Variants in SEC23A observed in about 807,000 individuals in gnomAD.
SEC23A encodes the protein protein transport protein Sec23A.
A neutral mutation model predicts 103.7 loss-of-function variants in SEC23A; 56 were observed. The ratio of observed to expected loss-of-function variants is 0.54; its 90% CI spans 0.44 to 0.67. The LOEUF (loss-of-function observed/expected upper bound fraction) is 0.67, where lower values mean the gene tolerates loss of function less well. Ranked by LOEUF, SEC23A falls within the 30% of genes least tolerant of loss-of-function variation. SEC23A has a pLI of 0.00. For synonymous variants in SEC23A, 281 were observed against 293.0 expected, an observed-to-expected ratio of 0.96 and a Z score of 0.42; for missense variants, 784 against 936.4, an observed-to-expected ratio of 0.84 and a Z score of 2.12.
In SEC23A at chr14:39,093,173, G is replaced by A. The variant is rs1287252000; in HGVS notation, c.279+14C>T. On this transcript the variant is annotated intron_variant, in intron 3 of 19. Transcript: ENST00000307712. ...TGAGCCACTGCGCCCGGCATGCAAT[G>A]GATGTTTTCTTACCTGATTCCTTTG... 6.2e-6 allele frequency: 10 copies of A among 1,611,232 alleles called. No individual in the cohort carries two copies. The highest frequency in any genetic ancestry group is 1.3e-5 in the African/African-American group (1 of 74,928).
At chr14:39,070,964 T>C (rs1886822545) in intron 9 of SEC23A, among the ~76,000 whole-genome samples, 1 of 151,700 alleles carries the variant, frequency 6.6e-6, no homozygotes, top group Non-Finnish European at 1.5e-5. Flanking sequence ...GGGGCGGAGG[T>C]TGCAGTGAGC....
At chr14:39,042,323 C>T (rs1056242825) in intron 17 of SEC23A, among the ~76,000 whole-genome samples, 1 of 152,230 alleles carries the variant, frequency 6.6e-6, no homozygotes, top group African/African-American at 2.4e-5. Flanking sequence ...ATCTTCTGCT[C>T]TCTGTAATCA....
intron 17 of SEC23A, among the ~76,000 whole-genome samples, chr14:39,041,921 G>A (rs1885661492): frequency 6.6e-6 from 1 of 150,678 alleles, no homozygotes; most frequent in South Asian, 2.1e-4. Context: ...AATATTTTGA[G>A]TAATGTCTTT....
At chr14:39,102,512 A>C (rs895762158) in intron 1 of SEC23A, among the ~76,000 whole-genome samples, 2 of 152,224 alleles carry the variant, frequency 1.3e-5, no homozygotes, top group African/African-American at 2.4e-5. Flanking sequence ...CCGTAGAAAG[A>C]AAGCCCAGTG....
At chr14:39,051,048 T>C (rs750599472) in intron 14 of SEC23A, among the ~76,000 whole-genome samples, 1 of 152,192 alleles carries the variant, frequency 6.6e-6, no homozygotes, top group Admixed American at 6.5e-5. Flanking sequence ...GCAACACAAA[T>C]AGAGAAAAAG....
At chr14:39,049,281 G>T (rs962128731) in intron 14 of SEC23A, among the ~76,000 whole-genome samples, 6 of 151,934 alleles carry the variant, frequency 3.9e-5, no homozygotes, top group Admixed American at 6.6e-5. Context: ...TTCGAGACCA[G>T]CCTGGCCAAC....
rs573160536 is a variant in SEC23A at position 39,085,689 on chromosome 14, T to TATATACAC, written c.828+72_828+73insGTGTATAT. 1.6e-4 allele frequency: 196 copies of TATATACAC among 1,196,368 alleles called. No individual in the cohort carries two copies. In the East Asian group the frequency reaches 1.9e-3, roughly 12 times the overall value. 74.1% of individuals were successfully genotyped at this position (1,196,368 alleles called of 1,614,324 possible). Reference sequence around the variant, plus strand: ...TTCTTCTTATCCTTATAATTATATATACACACACACACACACACACACACA... The same window carrying TATATACAC: ...TTCTTCTTATCCTTATAATTATATATATATACACACACACACACACACACACACACACA... On this transcript the variant is annotated intron_variant, in intron 7 of 19. Transcript: ENST00000307712.
chr14:39,089,744 G>T (rs1037307523), intron 5 of SEC23A, among the ~76,000 whole-genome samples: 1 of 152,194 alleles, frequency 6.6e-6, no homozygotes, highest in South Asian at 2.1e-4. Flanking sequence ...ATATCCTGAG[G>T]TCAGGAGTTC....
chr14:39,057,657 C>G (rs73285780), intron 13 of SEC23A, among the ~76,000 whole-genome samples: 10,185 of 152,206 alleles, frequency 0.067, 1,138 homozygotes, highest in African/African-American at 0.23. Flanking sequence ...CATGAGCCAC[C>G]GCACTTGGCC....
chr14:39,093,387 G>C (rs1199183606), intron 2 of SEC23A, 143 bp from the exon 3 acceptor site: 1 of 629,872 alleles, frequency 1.6e-6, no homozygotes, highest in Non-Finnish European at 2.7e-6. Flanking sequence ...AAGCCATGTA[G>C]TTTTAGATAC....
intron 9 of SEC23A, among the ~76,000 whole-genome samples, chr14:39,067,800 A>C (rs1886723301): frequency 6.6e-6 from 1 of 151,106 alleles, no homozygotes; most frequent in South Asian, 2.1e-4. Context: ...CCTCCCAAGT[A>C]GCTGGACTAC....
At chr14:39,049,293 T>C (rs770221346) in intron 14 of SEC23A, among the ~76,000 whole-genome samples, 2 of 151,556 alleles carry the variant, frequency 1.3e-5, no homozygotes, top group African/African-American at 4.9e-5. Flanking sequence ...CTGGCCAACA[T>C]GGTGAAACCG....
At chr14:39,073,605 T>TG (rs1335383080) in intron 9 of SEC23A, among the ~76,000 whole-genome samples, 2 of 131,912 alleles carry the variant, frequency 1.5e-5, no homozygotes, top group African/African-American at 5.7e-5. Context: ...TGATTCCTCT[T>TG]TTTTTTTTTT....
intron 9 of SEC23A, among the ~76,000 whole-genome samples, chr14:39,071,437 T>C (rs185357382): frequency 2.6e-5 from 4 of 152,168 alleles, no homozygotes; most frequent in African/African-American, 4.8e-5. Flanking sequence ...GTAATCCAGA[T>C]ACCTGGAAGG....
intron 7 of SEC23A, among the ~76,000 whole-genome samples, chr14:39,077,186 C>T (rs954639381): frequency 4.3e-5 from 6 of 139,878 alleles, no homozygotes; most frequent in East Asian, 4.1e-4. Context: ...CAAGATTGTA[C>T]CACTGCACCT....
At chr14:39,087,540 T>A (rs910898994) in intron 5 of SEC23A, 1 of 153,280 alleles carries the variant, frequency 6.5e-6, no homozygotes, top group African/African-American at 2.4e-5. Flanking sequence ...CCTATATACA[T>A]CTTGATTTTC....
intron 9 of SEC23A, among the ~76,000 whole-genome samples, chr14:39,067,823 C>T (rs998174661): frequency 6.6e-6 from 1 of 152,014 alleles, no homozygotes; most frequent in Non-Finnish European, 1.5e-5. Context: ...GTTGCACCAA[C>T]ACGCCCAGCT....
At position 39,080,562 on chromosome 14, in the gene SEC23A, C is replaced by T. The variant is rs184064144; in HGVS notation, c.829-4469G>A. Among the ~76,000 whole-genome samples, 267 of 152,160 alleles carry T rather than the reference C, an allele frequency of 1.8e-3. 1 individual carries two copies. Among genetic ancestry groups the T allele is most frequent in the Middle Eastern group, 6.8e-3 (2 of 294 alleles). On this transcript the variant is annotated intron_variant, in intron 7 of 19. Transcript: ENST00000307712. ...CTGGGATTACAGGCGTGTGCCACCG[C>T]CCCCGGCTAATTTTTGTATTTTTAG...
At chr14:39,057,289 G>C (rs183122086) in intron 13 of SEC23A, among the ~76,000 whole-genome samples, 1,925 of 142,240 alleles carry the variant, frequency 0.014, 66 homozygotes, top group Non-Finnish European at 0.016. Context: ...ATGGGCGACA[G>C]AGCGAGACTT....
Sources: gnomAD v4.1 joint callset for allele counts (sites outside exome capture counted in the v4.1 genomes callset) on GRCh38, gnomAD v4.1.1 for gene constraint, MANE v1.5 for transcripts, NCBI Gene and HGNC (gene_info 2026-07-23, HGNC 2026-07-21) for gene names.